The following MEAK7 variants were observed in gnomAD, a reference collection of about 807,000 sequenced individuals.
MEAK7 encodes MTOR-associated protein MEAK7.
Under a neutral mutation model 40.5 loss-of-function variants are expected in MEAK7, and 68 were observed. That is an observed-to-expected ratio of 1.68 (90% CI 1.38 to 2.06). MEAK7 has a LOEUF of 2.06. MEAK7 is among the 30% of genes most tolerant of loss of function. The probability of loss-of-function intolerance (pLI) is 0.00; values close to 1 mark genes in which losing one functional copy is unlikely to be tolerated. For missense variants in MEAK7, 918 were observed against 580.5 expected (o/e 1.58, Z -5.98); for synonymous variants, 338 against 231.9 (o/e 1.46, Z -4.16).
rs1718990215 is a variant in MEAK7, at chr16:84,495,622, C to T, written c.384+61G>A. On this transcript the variant is annotated intron_variant, in intron 3 of 7. Transcript: ENST00000343629. ...ATGTGCCATGTAACTGGCCTCCATC[C>T]CCCCACCGATGGTCACCAAGACTGC... 3.3e-6 allele frequency: 5 copies of T among 1,528,976 alleles called. No individual in the cohort carries two copies. In the African/African-American group the frequency reaches 5.5e-5, roughly 17 times the overall value. 94.7% of individuals were successfully genotyped at this position (1,528,976 alleles called of 1,614,324 possible).
At chr16:84,499,564 T>G (rs1914332172) in intron 1 of MEAK7, among the ~76,000 whole-genome samples, 1 of 152,168 alleles carries the variant, frequency 6.6e-6, no homozygotes, top group Admixed American at 6.5e-5. Context: ...AAGTGTACAG[T>G]GGCATTTAGG....
rs143458469 is a variant in MEAK7, at chr16:84,486,701, G to C, written c.888C>G (p.Leu296=). The C allele has an allele frequency of 2.5e-6, 4 of 1,614,024 alleles. No homozygotes were observed. The highest frequency in any genetic ancestry group is 2.2e-5 in the East Asian group (1 of 44,890). ...ITHRGPCVAV[L]EDHDKHVFGG... Reference sequence around the variant, plus strand: ...CGAACACATGCTTGTCATGGTCCTCGAGGACAGCCACACAGGGTCCCCGGT... The same window carrying C: ...CGAACACATGCTTGTCATGGTCCTCCAGGACAGCCACACAGGGTCCCCGGT... Residue 296 remains leucine (L), a synonymous_variant, in exon 5 of 8, where the codon CTC becomes CTG. Transcript: ENST00000343629.
At chr16:84,496,732 G>A (rs1914083754) in intron 2 of MEAK7, among the ~76,000 whole-genome samples, 1 of 151,974 alleles carries the variant, frequency 6.6e-6, no homozygotes, top group Non-Finnish European at 1.5e-5. Flanking sequence ...AAGCGTCCTG[G>A]GTGTAGCTCA....
At chr16:84,487,857 G>C (rs1913230840) in intron 4 of MEAK7, 3 of 152,168 alleles carry the variant, frequency 2.0e-5, no homozygotes, top group Non-Finnish European at 4.4e-5. Context: ...ATAAAATGGA[G>C]GTAAGGCCAG....
intron 4 of MEAK7, 71 bp downstream of exon 4, chr16:84,489,207 C>T (rs1308575451): frequency 6.5e-7 from 1 of 1,542,486 alleles, no homozygotes; most frequent in African/African-American, 1.4e-5. Context: ...TACTACACAG[C>T]TACAGTAATG....
chr16:84,494,673 C>T, intron 3 of MEAK7: 1 of 361,066 alleles, frequency 2.8e-6, no homozygotes, highest in Non-Finnish European at 5.4e-6. Flanking sequence ...TCCTCCCCCA[C>T]TATTTTTTCT....
intron 2 of MEAK7, among the ~76,000 whole-genome samples, chr16:84,496,510 C>T (rs955691805): frequency 3.3e-5 from 5 of 152,174 alleles, no homozygotes; most frequent in Admixed American, 1.3e-4. Flanking sequence ...AGCCACTCCA[C>T]GTGTGTCCAT....
chr16:84,494,866 G>A (rs900551521), intron 3 of MEAK7: 7 of 448,872 alleles, frequency 1.6e-5, no homozygotes, highest in African/African-American at 1.2e-4. Flanking sequence ...TAAAAACTCA[G>A]GACTCCAATT....
At chr16:84,497,535 C>A (rs910161263) in intron 2 of MEAK7, 2 of 1,291,134 alleles carry the variant, frequency 1.5e-6, no homozygotes, top group Non-Finnish European at 2.0e-6. Flanking sequence ...TCAGGAGGGA[C>A]GTGGTTCAAG....
At chr16:84,484,758 C>T (rs1006601688) in intron 5 of MEAK7, among the ~76,000 whole-genome samples, 6 of 152,170 alleles carry the variant, frequency 3.9e-5, no homozygotes, top group African/African-American at 9.7e-5. Context: ...GCGGACAGCA[C>T]GCTCTCCGAA....
intron 3 of MEAK7, chr16:84,495,468 A>T: frequency 1.8e-6 from 1 of 570,482 alleles, no homozygotes; most frequent in Non-Finnish European, 3.1e-6. Flanking sequence ...TTCCGCTTTA[A>T]GTCCTGAAGC....
chr16:84,490,694 G>GTGTGTGTGTA (rs1229822252), intron 3 of MEAK7, among the ~76,000 whole-genome samples: 3 of 148,814 alleles, frequency 2.0e-5, no homozygotes, highest in Non-Finnish European at 4.4e-5. Context: ...GTGTGTGTGT[G>GTGTGTGTGTA]TATTTAAAGG....
intron 2 of MEAK7, chr16:84,497,462 G>T (rs1177914151): frequency 1.6e-6 from 2 of 1,289,746 alleles, no homozygotes; most frequent in Admixed American, 2.3e-5. Context: ...ATGGTTCCTG[G>T]ACCGACGAGT....
chr16:84,478,163 C>G lies in MEAK7; in HGVS notation c.*1750G>C, dbSNP rs996873898. 1 of 151,264 alleles carries G rather than the reference C, an allele frequency of 6.6e-6. No homozygotes were observed. Among genetic ancestry groups the G allele is most frequent in the African/African-American group, 2.4e-5 (1 of 41,188 alleles). The allele number at this position is 151,264 out of a possible 1,614,324, so 9.4% of individuals were successfully genotyped here. On this transcript the variant is annotated 3_prime_UTR_variant, in exon 8 of 8. Coordinates refer to ENST00000343629, the MANE Select transcript of MEAK7 (RefSeq NM_020947.4). ...TAGGGACCTAAATTCTTTGGACTTACGGTAGAGATGCTTGAGGATCCTAAT... is the reference window on the plus strand; with the variant it reads ...TAGGGACCTAAATTCTTTGGACTTAGGGTAGAGATGCTTGAGGATCCTAAT...
In MEAK7 at chr16:84,480,648, G is replaced by A. The variant is rs1912452269; in HGVS notation, c.1138C>T (p.His380Tyr). ...LWVDVDFGKG[H>Y]SRAKPTCTTY... Reference sequence around the variant, plus strand: ...GTGCACGTGGGCTTGGCTCTGCTGTGTCCTTTCCCAAAATCAACATCCACC... The same window carrying A: ...GTGCACGTGGGCTTGGCTCTGCTGTATCCTTTCCCAAAATCAACATCCACC... Residue 380 changes from histidine to tyrosine, a missense_variant, in exon 7 of 8, where the codon CAC (histidine) becomes TAC (tyrosine). By Grantham distance (83) the His-to-Tyr change is moderately conservative. Transcript: ENST00000343629. 4 of 1,613,956 alleles carry A rather than the reference G, an allele frequency of 2.5e-6. No homozygotes were observed. The African/African-American group carries it at 4.0e-5, about 16-fold the overall frequency.
At chr16:84,504,057 G>C (rs1336804524) in intron 1 of MEAK7, 3 of 985,420 alleles carry the variant, frequency 3.0e-6, no homozygotes, top group Admixed American at 6.1e-5. Context: ...GGGGCAGCTT[G>C]AGCCTGGGCA....
Position 84,479,924 on chromosome 16 carries a change from C to G in MEAK7, c.1360G>C (p.Asp454His). Residue 454 changes from aspartate to histidine, a missense_variant, in exon 8 of 8, where the codon GAC becomes CAC. By Grantham distance (81) the Asp-to-His change is moderately conservative (BLOSUM62 -1). Coordinates refer to ENST00000343629, the MANE Select transcript of MEAK7 (RefSeq NM_020947.4). ...RHSEGLREVP[D>H]DE ...GCTCAGGCGGCTCCTCATTCATCGT[C>G]CGGGACTTCCCGGAGCCCTTCGCTG... is the stretch of plus-strand genomic sequence containing the variant. The G allele has an allele frequency of 6.2e-7, 1 of 1,604,040 alleles. No homozygotes were observed. Among genetic ancestry groups the G allele is most frequent in the Non-Finnish European group, 8.5e-7 (1 of 1,172,848 alleles).
intron 3 of MEAK7, chr16:84,494,765 A>G (rs1020958315): frequency 4.4e-6 from 2 of 453,204 alleles, no homozygotes; most frequent in African/African-American, 2.0e-5. Flanking sequence ...CATTCTGGAC[A>G]TGACAGATCA....
chr16:84,499,587 C>A (rs774765297), intron 1 of MEAK7, among the ~76,000 whole-genome samples: 1 of 152,152 alleles, frequency 6.6e-6, no homozygotes, highest in Non-Finnish European at 1.5e-5. Flanking sequence ...CTTCACAATA[C>A]GGTGCAACCC....
Sources: allele counts gnomAD v4.1 joint callset (sites outside exome capture counted in the v4.1 genomes callset), GRCh38; gene constraint gnomAD v4.1.1; transcripts MANE v1.5; gene names NCBI Gene and HGNC (gene_info 2026-07-23, HGNC 2026-07-21).